The following DSC1 variants were observed in gnomAD, a reference collection of about 807,000 sequenced individuals.
The protein encoded by DSC1 is desmocollin-1.
A neutral mutation model predicts 98.8 loss-of-function variants in DSC1; 79 were observed. The ratio of observed to expected loss-of-function variants is 0.80; its 90% CI spans 0.67 to 0.96. DSC1 has a LOEUF of 0.96. DSC1 is among the 50% of genes least tolerant of loss of function. The pLI, the probability that DSC1 is intolerant of heterozygous loss-of-function variation, is 0.00. For synonymous variants in DSC1, 405 were observed against 372.1 expected (o/e 1.09, Z -1.02); for missense variants, 1,115 against 1,075.9 (o/e 1.04, Z -0.51).
At chr18:31,147,833 A>G (rs1292422025) in intron 6 of DSC1, among the ~76,000 whole-genome samples, 1 of 152,198 alleles carries the variant, frequency 6.6e-6, no homozygotes, top group African/African-American at 2.4e-5. Flanking sequence ...TTGGCACCAT[A>G]AAATAGACAT....
intron 3 of DSC1, among the ~76,000 whole-genome samples, chr18:31,157,109 C>T (rs1989113095): frequency 6.6e-6 from 1 of 152,156 alleles, no homozygotes; most frequent in Non-Finnish European, 1.5e-5. Context: ...TTCTTATTCC[C>T]AAACTTGAAA....
At chr18:31,153,568 T>G (rs1025912313) in intron 5 of DSC1, among the ~76,000 whole-genome samples, 1 of 152,150 alleles carries the variant, frequency 6.6e-6, no homozygotes, top group African/African-American at 2.4e-5. Context: ...TTATGAAACA[T>G]CTAAAGTGGA....
At chr18:31,152,894 G>T (rs980161491) in intron 5 of DSC1, among the ~76,000 whole-genome samples, 1 of 151,682 alleles carries the variant, frequency 6.6e-6, no homozygotes, top group Non-Finnish European at 1.5e-5. Flanking sequence ...ATTGCATCAG[G>T]TTTACATCTT....
chr18:31,150,579 G>T (rs1453609777), intron 5 of DSC1, among the ~76,000 whole-genome samples: 1 of 113,078 alleles, frequency 8.8e-6, no homozygotes, highest in East Asian at 2.4e-4. Flanking sequence ...CATCATCATC[G>T]CCACCGTCAC....
chr18:31,158,138 G>T (rs1989138186), intron 2 of DSC1, among the ~76,000 whole-genome samples: 1 of 152,064 alleles, frequency 6.6e-6, no homozygotes, highest in African/African-American at 2.4e-5. Flanking sequence ...ATGGTGGCGT[G>T]CACCTGTAAT....
In DSC1 at chr18:31,130,036, A is replaced by G. The variant is rs775229974; in HGVS notation, c.*478T>C. The G allele has an allele frequency of 1.1e-4, 17 of 158,380 alleles. No homozygotes were observed. Among genetic ancestry groups the G allele is most frequent in the Non-Finnish European group, 1.9e-4 (14 of 71,800 alleles). The allele number at this position is 158,380 out of a possible 1,614,324, so 9.8% of individuals were successfully genotyped here. A position where few individuals can be genotyped will look rare whatever the true frequency, so the allele number is the denominator to read the frequency against. ...TGAAGATTGCACTGAAGAATACTTA[A>G]AAGTCCTTTTTAAACCACTCAGGTG... is the stretch of plus-strand genomic sequence containing the variant. On this transcript the variant is annotated 3_prime_UTR_variant, in exon 16 of 16. Transcript: ENST00000257198.
chr18:31,140,056 A>C lies in DSC1; in HGVS notation c.1506T>G (p.Ser502Arg), dbSNP rs750620274. The change falls in exon 10 of 16, where the codon AGT becomes AGG. Residue 502 changes from serine (S) to arginine (R), a missense_variant. Ser to Arg is a moderately radical substitution (Grantham distance 110). Coordinates refer to ENST00000257198, the MANE Select transcript of DSC1 (RefSeq NM_024421.2). ...AAGTACATCACCTTAAGCCTTCACC[A>C]CTGGATATTTCCGGGTCCAGTGCTT... Reference protein sequence around the residue: ...GYKALDPEISSGEGLRYQKLG... With the variant: ...GYKALDPEISRGEGLRYQKLG... 12 of 1,613,788 alleles carry C rather than the reference A, an allele frequency of 7.4e-6. No individual in the cohort carries two copies. Among genetic ancestry groups the C allele is most frequent in the Non-Finnish European group, 1.0e-5 (12 of 1,179,904 alleles).
chr18:31,138,986 A>G (rs1235633466), intron 11 of DSC1, among the ~76,000 whole-genome samples: 1 of 152,024 alleles, frequency 6.6e-6, no homozygotes, highest in Non-Finnish European at 1.5e-5. Context: ...TATTTTTATC[A>G]TCCTCTTTTA....
chr18:31,154,410 T>A (rs1440841238), intron 5 of DSC1, among the ~76,000 whole-genome samples: 1 of 151,936 alleles, frequency 6.6e-6, no homozygotes, highest in Non-Finnish European at 1.5e-5. Context: ...AGCATCAGTA[T>A]TTTTTTTCAA....
At chr18:31,133,246 AAAG>A (rs1303870055) in intron 13 of DSC1, among the ~76,000 whole-genome samples, 2 of 152,182 alleles carry the variant, frequency 1.3e-5, no homozygotes, top group South Asian at 2.1e-4. Context: ...AAGAAAAGGA[AAAG>A]AAGAGAGAAA....
chr18:31,150,309 CCACTACTACCAT>C (rs1598625573), intron 5 of DSC1, among the ~76,000 whole-genome samples: 4 of 54,328 alleles, frequency 7.4e-5, no homozygotes, highest in Admixed American at 2.8e-4. Context: ...ATCATCACCA[CCACTACTACCAT>C]CATCACCACC....
At chr18:31,143,162 C>A (rs1246878688) in intron 8 of DSC1, among the ~76,000 whole-genome samples, 2 of 151,478 alleles carry the variant, frequency 1.3e-5, no homozygotes, top group Non-Finnish European at 2.9e-5. Context: ...TTATATATAT[C>A]TCTTATTGTT....
intron 7 of DSC1, 61 bp downstream of exon 7, chr18:31,145,550 G>A (rs1317919935): frequency 4.4e-6 from 7 of 1,579,614 alleles, no homozygotes; most frequent in South Asian, 2.3e-5. Context: ...AACTTCTCTC[G>A]GGAGTTCATT....
intron 11 of DSC1, among the ~76,000 whole-genome samples, chr18:31,135,779 A>G (rs2144919072): frequency 6.6e-6 from 1 of 152,278 alleles, no homozygotes; most frequent in South Asian, 2.1e-4. Context: ...ATAATAAACT[A>G]CAATAAATGA....
chr18:31,159,794 T>C (rs1989177261), intron 1 of DSC1, among the ~76,000 whole-genome samples: 1 of 152,178 alleles, frequency 6.6e-6, no homozygotes, highest in Admixed American at 6.5e-5. Context: ...CAAGAAAATA[T>C]TTCACAAACC....
At chr18:31,152,609 T>G (rs1444649360) in intron 5 of DSC1, among the ~76,000 whole-genome samples, 1 of 152,092 alleles carries the variant, frequency 6.6e-6, no homozygotes, top group African/African-American at 2.4e-5. Context: ...ATCACTGGTA[T>G]TACGGCATTT....
chr18:31,133,307 T>C (rs534155897), intron 13 of DSC1, among the ~76,000 whole-genome samples: 1 of 152,212 alleles, frequency 6.6e-6, no homozygotes, highest in Admixed American at 6.5e-5. Context: ...GCGTGGGCAA[T>C]ATTTCTATTA....
rs1989013189 is a variant in DSC1 at position 31,152,170 on chromosome 18, A to C, written c.627+2604T>G. Among the ~76,000 whole-genome samples, 2 of 89,990 alleles carry C rather than the reference A, an allele frequency of 2.2e-5. 1 individual carries two copies. Among genetic ancestry groups the C allele is most frequent in the African/African-American group, 8.4e-5 (2 of 23,884 alleles). 59.0% of individuals were successfully genotyped at this position (89,990 alleles called of 152,430 possible). On this transcript the variant is annotated intron_variant, in intron 5 of 15. Transcript: ENST00000257198. ...GAGTGACACCCTATATCAAAAAAAC[A>C]ACAAAAAAAAACAAGATAATAAAAG... is the stretch of plus-strand genomic sequence containing the variant.
rs1206720950 is a variant in DSC1 at position 31,155,981 on chromosome 18, A to G, written c.471+62T>C. On this transcript the variant is annotated intron_variant, in intron 4 of 15. Coordinates refer to ENST00000257198, the MANE Select transcript of DSC1 (RefSeq NM_024421.2). ...TGATTCAATATGCTGTGCAATTCAA[A>G]TGAAAAGTTTAAGAACAAAAAAAAA... 9 of 1,561,560 alleles carry G rather than the reference A, an allele frequency of 5.8e-6. No individual in the cohort carries two copies. In the East Asian group the frequency reaches 9.0e-5, roughly 16 times the overall value.
Sources: gnomAD v4.1 joint callset for allele counts (sites outside exome capture counted in the v4.1 genomes callset) on GRCh38, gnomAD v4.1.1 for gene constraint, MANE v1.5 for transcripts, NCBI Gene and HGNC (gene_info 2026-07-23, HGNC 2026-07-21) for gene names.